The following RIPOR2 variants were observed in gnomAD, a reference collection of about 807,000 sequenced individuals.
The protein encoded by RIPOR2 is rho family-interacting cell polarization regulator 2.
A neutral mutation model predicts 114.5 loss-of-function variants in RIPOR2; 39 were observed. The ratio of observed to expected loss-of-function variants is 0.34; its 90% confidence interval spans 0.26 to 0.44. RIPOR2 has a LOEUF of 0.44. RIPOR2 is among the 20% of genes least tolerant of loss of function. The probability of loss-of-function intolerance (pLI) is 1.00; values close to 1 mark genes in which losing one functional copy is unlikely to be tolerated. For missense variants in RIPOR2, 1,007 were observed against 1,255.1 expected (o/e 0.80, Z 2.99); for synonymous variants, 445 against 484.4 (o/e 0.92, Z 1.07).
chr6:25,020,438 T>C (rs915343208), intron 1 of RIPOR2, among the ~76,000 whole-genome samples: 1 of 152,186 alleles, frequency 6.6e-6, no homozygotes, highest in Non-Finnish European at 1.5e-5. Flanking sequence ...CAAGAGTAAA[T>C]TTTCCCTGTA....
At chr6:24,944,613 A>G (rs1581851718) in intron 1 of RIPOR2, among the ~76,000 whole-genome samples, 2 of 152,174 alleles carry the variant, frequency 1.3e-5, no homozygotes, top group Non-Finnish European at 2.9e-5. Flanking sequence ...TAAACAATCA[A>G]TAGGAAGTCC....
At chr6:24,914,199 G>T (rs113442956) in intron 1 of RIPOR2, among the ~76,000 whole-genome samples, 3 of 152,214 alleles carry the variant, frequency 2.0e-5, no homozygotes, top group African/African-American at 7.2e-5. Flanking sequence ...AGCCGGGCGT[G>T]GTGGCAGGTG....
intron 12 of RIPOR2, 184 bp downstream of exon 12, chr6:24,847,841 A>G: frequency 8.5e-7 from 1 of 1,172,836 alleles, no homozygotes. Context: ...AATGTTCAGA[A>G]AAATCTACAT....
chr6:24,954,755 C>T (rs1182039071), intron 1 of RIPOR2, among the ~76,000 whole-genome samples: 1 of 151,920 alleles, frequency 6.6e-6, no homozygotes, highest in Non-Finnish European at 1.5e-5. Context: ...GCCTTAGGCC[C>T]CGTCTTTAAT....
intron 1 of RIPOR2, chr6:24,976,502 A>T: frequency 6.3e-7 from 1 of 1,579,312 alleles, no homozygotes; most frequent in Non-Finnish European, 8.7e-7. Context: ...GGGGCCTGGA[A>T]ACCAAGAAGT....
chr6:24,983,141 C>G, intron 1 of RIPOR2, among the ~76,000 whole-genome samples: 1 of 151,750 alleles, frequency 6.6e-6, no homozygotes, highest in Non-Finnish European at 1.5e-5. Flanking sequence ...CCCAAATAAA[C>G]TCTCTACTTA....
At chr6:24,951,438 A>AG (rs577987899) in intron 1 of RIPOR2, among the ~76,000 whole-genome samples, 2 of 152,218 alleles carry the variant, frequency 1.3e-5, no homozygotes, top group Non-Finnish European at 2.9e-5. Context: ...CTAATGGAAT[A>AG]GGGGGTCTTC....
chr6:24,848,339 C>A (rs1000552007), intron 11 of RIPOR2, among the ~76,000 whole-genome samples, 185 bp from the exon 12 acceptor site: 2 of 152,210 alleles, frequency 1.3e-5, no homozygotes, highest in African/African-American at 4.8e-5. Flanking sequence ...GAGCAGAAAA[C>A]TGAGTCTAGA....
At chr6:24,874,017 A>C (rs1765470915) in intron 2 of RIPOR2, among the ~76,000 whole-genome samples, 1 of 151,934 alleles carries the variant, frequency 6.6e-6, no homozygotes, top group African/African-American at 2.4e-5. Context: ...ATGTGCCACC[A>C]CACCCAGCTA....
chr6:24,848,533 TAAG>T (rs1562257730), intron 11 of RIPOR2, among the ~76,000 whole-genome samples: 1 of 152,198 alleles, frequency 6.6e-6, no homozygotes, highest in Non-Finnish European at 1.5e-5. Flanking sequence ...CTTAATGGTA[TAAG>T]ACATCGACAG....
intron 13 of RIPOR2, chr6:24,840,356 C>A: frequency 9.0e-7 from 1 of 1,116,510 alleles, no homozygotes; most frequent in Non-Finnish European, 1.1e-6. Flanking sequence ...AGTCCCACCA[C>A]TTCCCTGACC....
chr6:24,910,808 G>A, intron 1 of RIPOR2: 1 of 985,522 alleles, frequency 1.0e-6, no homozygotes, highest in South Asian at 4.7e-5. Context: ...AAATGAAAAG[G>A]TGAACCTACC....
At chr6:24,898,792 C>T (rs903617755) in intron 1 of RIPOR2, among the ~76,000 whole-genome samples, 1 of 152,088 alleles carries the variant, frequency 6.6e-6, no homozygotes, top group Admixed American at 6.6e-5. Flanking sequence ...TTCCTTTGTT[C>T]CCCTTTCTGC....
At chr6:24,872,430 G>A (rs1467399620) in intron 4 of RIPOR2, among the ~76,000 whole-genome samples, 3 of 151,920 alleles carry the variant, frequency 2.0e-5, no homozygotes, top group Admixed American at 6.6e-5. Flanking sequence ...TGTTGCTCAG[G>A]CTGGTCTCGA....
intron 13 of RIPOR2, among the ~76,000 whole-genome samples, chr6:24,841,617 ATT>A (rs11336541): frequency 0.067 from 8,476 of 127,402 alleles, 286 homozygotes; most frequent in African/African-American, 0.11. Context: ...CAATCACCAT[ATT>A]TTTTTTTTTT....
At chr6:24,892,790 A>G (rs1171940715) in intron 1 of RIPOR2, among the ~76,000 whole-genome samples, 2 of 152,226 alleles carry the variant, frequency 1.3e-5, no homozygotes, top group African/African-American at 4.8e-5. Flanking sequence ...CAGGAGACAT[A>G]GCAAGAGAGG....
At chr6:24,968,171 G>A (rs1773620146) in intron 1 of RIPOR2, among the ~76,000 whole-genome samples, 1 of 152,116 alleles carries the variant, frequency 6.6e-6, no homozygotes, top group Non-Finnish European at 1.5e-5. Context: ...CTCCGAAAGT[G>A]CTGAGATTAC....
intron 1 of RIPOR2, among the ~76,000 whole-genome samples, chr6:24,893,614 C>T (rs1767574573): frequency 6.6e-6 from 1 of 152,166 alleles, no homozygotes. Flanking sequence ...ATAATCTGAC[C>T]ACACTGGTGC....
At chr6:24,929,932 T>G (rs992986828) in intron 1 of RIPOR2, among the ~76,000 whole-genome samples, 2 of 152,086 alleles carry the variant, frequency 1.3e-5, no homozygotes, top group African/African-American at 4.8e-5. Flanking sequence ...AAAAATTAGC[T>G]GGATATGGTG....
Sources: gnomAD v4.1 joint callset for allele counts (sites outside exome capture counted in the v4.1 genomes callset) on GRCh38, gnomAD v4.1.1 for gene constraint, MANE v1.5 for transcripts, NCBI Gene and HGNC (gene_info 2026-07-23, HGNC 2026-07-21) for gene names.